The following TMEM50B variants were observed in gnomAD, a reference collection of about 807,000 sequenced individuals.
TMEM50B encodes HCV p7-trans-regulated protein 3.
A neutral mutation model predicts 23.4 loss-of-function variants in TMEM50B; 14 were observed. The observed-to-expected ratio is 0.60, with a 90% CI of 0.39 to 0.93. TMEM50B has a LOEUF of 0.93. Among genes scored for constraint, TMEM50B ranks in the 40% least tolerant of loss-of-function variants. TMEM50B has a pLI of 0.00. For synonymous variants in TMEM50B, 64 were observed against 62.3 expected (o/e 1.03, Z -0.13); for missense variants, 159 against 193.0 (o/e 0.82, Z 1.04).
Position 33,440,710 on chromosome 21 carries a change from C to T in TMEM50B, c.*2037-1413G>A, listed in dbSNP as rs145868053. On this transcript the variant is annotated intron_variant and NMD_transcript_variant, in intron 7 of 8. Transcript: ENST00000420455. ...CAGCCTGACCAACATGGTGAAACCC[C>T]GTCCCTACTAAAAATACAAAGATTA... Among the ~76,000 whole-genome samples, 12 of 150,996 alleles carry T rather than the reference C, an allele frequency of 7.9e-5. No homozygotes were observed. The East Asian group carries it at 2.0e-3, about 25-fold the overall frequency.
chr21:33,478,736 C>T (rs1253060296), intron 1 of TMEM50B: 1 of 468,558 alleles, frequency 2.1e-6, no homozygotes. Context: ...CAAAGTCTTG[C>T]ACCACTATCT....
At chr21:33,469,527 C>T (rs1601131150) in intron 1 of TMEM50B, 4 of 152,166 alleles carry the variant, frequency 2.6e-5, no homozygotes, top group Non-Finnish European at 5.9e-5. Flanking sequence ...GATTTATGTC[C>T]TACCTTTGAA....
intron 7 of TMEM50B, chr21:33,439,338 C>G (rs995633820): frequency 8.5e-5 from 13 of 152,234 alleles, no homozygotes; most frequent in African/African-American, 3.1e-4. Flanking sequence ...CCCAGCAGGA[C>G]AGAGGGCAAA....
chr21:33,474,046 A>C (rs2084343509), intron 1 of TMEM50B, among the ~76,000 whole-genome samples: 1 of 147,452 alleles, frequency 6.8e-6, no homozygotes, highest in Non-Finnish European at 1.5e-5. Flanking sequence ...GTGACTGCAA[A>C]AGGCTACAAG....
intron 8 of TMEM50B, chr21:33,436,736 T>TAA (rs5843604): frequency 4.1e-4 from 415 of 1,021,904 alleles, no homozygotes; most frequent in African/African-American, 5.1e-4. Context: ...AAAATAAAAA[T>TAA]AAAAATAAAA....
intron 7 of TMEM50B, chr21:33,439,378 C>A (rs1264044326): frequency 6.6e-6 from 1 of 151,838 alleles, no homozygotes; most frequent in African/African-American, 2.4e-5. Context: ...TGCATCTGTG[C>A]CACCCCATTT....
chr21:33,468,066 TAAAA>T (rs3057402), intron 2 of TMEM50B, among the ~76,000 whole-genome samples: 1 of 131,436 alleles, frequency 7.6e-6, no homozygotes, highest in African/African-American at 2.8e-5. Flanking sequence ...CTCGTCTCTT[TAAAA>T]AAAAAAAAAA....
chr21:33,460,084 C>T (rs966964798), intron 5 of TMEM50B, among the ~76,000 whole-genome samples: 11 of 152,128 alleles, frequency 7.2e-5, no homozygotes, highest in African/African-American at 2.7e-4. Flanking sequence ...TACACCTGTA[C>T]TGGTTTCTCA....
At chr21:33,436,698 G>T in intron 8 of TMEM50B, 1 of 699,012 alleles carries the variant, frequency 1.4e-6, no homozygotes, top group Non-Finnish European at 2.3e-6. Flanking sequence ...CTCCAGCCTA[G>T]GCAAGAGTAA....
intron 6 of TMEM50B, among the ~76,000 whole-genome samples, chr21:33,453,858 C>G (rs1323650612): frequency 6.6e-6 from 1 of 152,088 alleles, no homozygotes. Context: ...AATCCTACCA[C>G]TTTGGGAGGC....
downstream of TMEM50B, among the ~76,000 whole-genome samples, chr21:33,444,831 GAAAC>G (rs1236923809): frequency 2.2e-5 from 3 of 136,126 alleles, no homozygotes; most frequent in African/African-American, 8.3e-5. Context: ...GAAAGAAAAA[GAAAC>G]AAAAGAAACT....
chr21:33,449,331 G>A lies in TMEM50B; in HGVS notation c.*1487C>T, dbSNP rs1015166693. On this transcript the variant is annotated 3_prime_UTR_variant, in exon 7 of 7. Coordinates refer to ENST00000542230, the MANE Select transcript of TMEM50B (RefSeq NM_006134.7). Reference sequence around the variant, plus strand: ...CAACTGCTTCATACTCTGTGCACAAGAAATCCTCTCAAGAGAGAGGAGAGG... The same window carrying A: ...CAACTGCTTCATACTCTGTGCACAAAAAATCCTCTCAAGAGAGAGGAGAGG... 1.3e-5 allele frequency: 2 copies of A among 150,964 alleles called. No homozygotes were observed. Among genetic ancestry groups the A allele is most frequent in the Non-Finnish European group, 3.0e-5 (2 of 67,512 alleles). The allele number at this position is 150,964 out of a possible 1,614,324, so 9.4% of individuals were successfully genotyped here. A position where few individuals can be genotyped will look rare whatever the true frequency, so the allele number is the denominator to read the frequency against.
chr21:33,432,998 G>A (rs568350481), intron 8 of TMEM50B: 12 of 785,260 alleles, frequency 1.5e-5, no homozygotes, highest in African/African-American at 1.4e-4. Flanking sequence ...CGATTCTCCT[G>A]CCTCAGCCTC....
At chr21:33,471,956 C>T (rs1435327906) in intron 1 of TMEM50B, among the ~76,000 whole-genome samples, 2 of 147,828 alleles carry the variant, frequency 1.4e-5, no homozygotes, top group Admixed American at 6.8e-5. Context: ...GGCGAGAACC[C>T]GGGAGGTAGA....
intron 1 of TMEM50B, among the ~76,000 whole-genome samples, chr21:33,472,068 G>T (rs1428084179): frequency 2.7e-5 from 4 of 147,850 alleles, no homozygotes; most frequent in Non-Finnish European, 6.0e-5. Context: ...TTCTAGAACT[G>T]CAAATTACAA....
At chr21:33,435,663 T>C (rs745564799) in intron 8 of TMEM50B, among the ~76,000 whole-genome samples, 6 of 151,636 alleles carry the variant, frequency 4.0e-5, no homozygotes, top group Non-Finnish European at 8.8e-5. Flanking sequence ...GGTGGGTGGA[T>C]CATGAAGTCA....
rs35774330 is a variant in TMEM50B, at chr21:33,433,789, A to ATT, written c.*2121-989_*2121-988dup. ...GTTATGTGTATTTTACCACAATTTA[A>ATT]TTTTTTTTTTTTAATGGCATGGGGT... On this transcript the variant is annotated intron_variant and NMD_transcript_variant, in intron 8 of 8. Coordinates refer to the TMEM50B transcript ENST00000420455. Among the ~76,000 whole-genome samples, 258 of 149,766 alleles carry ATT rather than the reference A, an allele frequency of 1.7e-3. 1 individual carries two copies. Among genetic ancestry groups the ATT allele is most frequent in the South Asian group, 7.1e-3 (34 of 4,756 alleles).
At chr21:33,451,974 G>A (rs1202396217) in intron 6 of TMEM50B, among the ~76,000 whole-genome samples, 1 of 152,180 alleles carries the variant, frequency 6.6e-6, no homozygotes, top group African/African-American at 2.4e-5. Flanking sequence ...CAGCACACAG[G>A]AAGCATACAG....
At chr21:33,475,546 C>A (rs1333489416) in intron 1 of TMEM50B, among the ~76,000 whole-genome samples, 8 of 151,334 alleles carry the variant, frequency 5.3e-5, no homozygotes, top group Non-Finnish European at 1.2e-4. Context: ...CAGGGTTTCA[C>A]CATCTTGGCC....
Sources: gnomAD v4.1 joint callset for allele counts (sites outside exome capture counted in the v4.1 genomes callset) on GRCh38, gnomAD v4.1.1 for gene constraint, MANE v1.5 for transcripts, NCBI Gene and HGNC (gene_info 2026-07-23, HGNC 2026-07-21) for gene names.